Variants in ARVCF observed in about 807,000 individuals in gnomAD.
ARVCF encodes splicing regulator ARVCF.
ARVCF carries 66 observed loss-of-function variants against 90.9 expected under a neutral mutation model. That is an observed-to-expected ratio of 0.73 (90% CI 0.60 to 0.89). The LOEUF (loss-of-function observed/expected upper bound fraction) is 0.89. Among genes scored for constraint, ARVCF ranks in the 40% least tolerant of loss-of-function variants. The pLI, the probability that ARVCF is intolerant of heterozygous loss-of-function variation, is 0.00. For synonymous variants in ARVCF, 653 were observed against 603.4 expected, an observed-to-expected ratio of 1.08 and a Z score of -1.21; for missense variants, 1,469 against 1,382.3, an observed-to-expected ratio of 1.06 and a Z score of -1.00.
At chr22:20,011,955 G>A (rs1944848509) in intron 1 of ARVCF, among the ~76,000 whole-genome samples, 1 of 151,908 alleles carries the variant, frequency 6.6e-6, no homozygotes. Context: ...TCATCTCACT[G>A]ACTCTACCAG....
intron 3 of ARVCF, among the ~76,000 whole-genome samples, chr22:19,986,886 C>A (rs1288922991): frequency 6.6e-6 from 1 of 152,188 alleles, no homozygotes; most frequent in Non-Finnish European, 1.5e-5. Flanking sequence ...CCGGGGGCAC[C>A]GCGCTCACAC....
At position 20,016,676 on chromosome 22, in the gene ARVCF, C is replaced by T. The variant is rs1945201424; in HGVS notation, c.-160G>A. 6.6e-6 allele frequency: 1 copy of T among 150,984 alleles called. No individual in the cohort carries two copies. The highest frequency in any genetic ancestry group is 1.5e-5 in the Non-Finnish European group (1 of 67,678). The allele number at this position is 150,984 out of a possible 1,614,324, so 9.4% of individuals were successfully genotyped here. ...CCGTTGGCGCGCGGGGAGCGGCGTT[C>T]CCAGGGCGCGGCGCGGTGCGGCGCG... On this transcript the variant is annotated 5_prime_UTR_variant, in exon 1 of 20. Coordinates refer to ENST00000263207, the MANE Select transcript of ARVCF (RefSeq NM_001670.3).
chr22:19,996,244 G>A (rs1393727893), intron 2 of ARVCF, among the ~76,000 whole-genome samples: 1 of 151,652 alleles, frequency 6.6e-6, no homozygotes, highest in African/African-American at 2.4e-5. Context: ...CAGCCTCCAA[G>A]CAGCAGAAAG....
chr22:20,009,279 G>A (rs1728037474), intron 2 of ARVCF, among the ~76,000 whole-genome samples: 2 of 152,212 alleles, frequency 1.3e-5, no homozygotes, highest in Admixed American at 6.5e-5. Context: ...ACAGCCAGGC[G>A]GCAGCAGACC....
chr22:19,990,712 C>A lies in ARVCF; in HGVS notation c.83G>T (p.Arg28Leu). The A allele has an allele frequency of 6.3e-7, 1 of 1,596,992 alleles. No homozygotes were observed. Among genetic ancestry groups the A allele is most frequent in the Non-Finnish European group, 8.5e-7 (1 of 1,171,720 alleles). ...ATGGCGCCGCTCCTGCTCCAGTGCC[C>A]GTGTCAGCCTCTCGAAGCGGGCCTC... ...EQEARFERLT[R>L]ALEQERRHVA... The change falls in exon 3 of 20, where the codon CGG becomes CTG. Residue 28 changes from arginine (R) to leucine (L), a missense_variant. Arg to Leu is a moderately radical substitution (Grantham distance 102). Transcript: ENST00000263207.
At chr22:19,972,475 C>A in intron 16 of ARVCF, 64 bp from the exon 17 acceptor site, 3 of 1,597,872 alleles carry the variant, frequency 1.9e-6, no homozygotes, top group Non-Finnish European at 2.6e-6. Flanking sequence ...GCAGAGAAGC[C>A]CACACAGGGC....
chr22:19,989,658 G>A (rs113451333), intron 3 of ARVCF, among the ~76,000 whole-genome samples: 8,611 of 152,252 alleles, frequency 0.057, 786 homozygotes, highest in African/African-American at 0.19. Context: ...TGCAGGTGCT[G>A]GGAGTATGCT....
intron 2 of ARVCF, among the ~76,000 whole-genome samples, chr22:20,003,474 AC>A (rs1944514456): frequency 6.6e-6 from 1 of 152,158 alleles, no homozygotes; most frequent in Admixed American, 6.5e-5. Flanking sequence ...AAACAAACAA[AC>A]AAAAAAACAC....
At chr22:19,994,379 G>GGA (rs1944148151) in intron 2 of ARVCF, among the ~76,000 whole-genome samples, 1 of 135,446 alleles carries the variant, frequency 7.4e-6, no homozygotes, top group African/African-American at 2.7e-5. Context: ...TGGGTGGGGG[G>GGA]ATGGTGGAGG....
Position 19,982,143 on chromosome 22 carries a change from G to A in ARVCF, c.211-52C>T, listed in dbSNP as rs1358436924. 6 of 1,594,226 alleles carry A rather than the reference G, an allele frequency of 3.8e-6. 1 individual carries two copies. The East Asian group carries it at 6.7e-5, about 18-fold the overall frequency. ...CAGGCCTGCTGCTCAGTCACCCCTG[G>A]AGTGCAGGTCTCCACACACAGCAGC... On this transcript the variant is annotated intron_variant, in intron 3 of 19. Transcript: ENST00000263207.
chr22:19,978,620 C>T (rs1159630629), intron 7 of ARVCF, among the ~76,000 whole-genome samples: 2 of 152,116 alleles, frequency 1.3e-5, no homozygotes, highest in East Asian at 3.9e-4. Context: ...CCAGCTCCCC[C>T]TCTGGCTGTC....
chr22:19,973,615 C>G, intron 13 of ARVCF, 28 bp downstream of exon 13: 1 of 1,586,704 alleles, frequency 6.3e-7, no homozygotes, highest in Non-Finnish European at 8.6e-7. Flanking sequence ...GTTCGGTGCC[C>G]AGGCGTGGGC....
downstream of ARVCF, among the ~76,000 whole-genome samples, chr22:19,966,321 C>T (rs1419421477): frequency 6.6e-6 from 1 of 151,594 alleles, no homozygotes; most frequent in African/African-American, 2.4e-5. Flanking sequence ...GGGTGAGGGG[C>T]TCAGGAGCAG....
intron 5 of ARVCF, chr22:19,980,705 G>A (rs888657613): frequency 5.3e-6 from 1 of 187,372 alleles, no homozygotes; most frequent in African/African-American, 2.3e-5. Flanking sequence ...CACCTGAGGA[G>A]TATTCAGGCC....
chr22:19,994,386 G>C (rs1340358489), intron 2 of ARVCF, among the ~76,000 whole-genome samples: 1 of 142,118 alleles, frequency 7.0e-6, no homozygotes, highest in Non-Finnish European at 1.5e-5. Context: ...GGGGATGGTG[G>C]AGGATGAACA....
Position 19,970,473 on chromosome 22 carries a change from C to CAGAGGGAAAGGGGATGGTGGACG in ARVCF, c.*282_*283insCGTCCACCATCCCCTTTCCCTCT. 10 of 1,110,754 alleles carry CAGAGGGAAAGGGGATGGTGGACG rather than the reference C, an allele frequency of 9.0e-6. No homozygotes were observed. The Admixed American group carries it at 1.3e-4, about 15-fold the overall frequency. 68.8% of individuals were successfully genotyped at this position (1,110,754 alleles called of 1,614,324 possible). A position where few individuals can be genotyped will look rare whatever the true frequency, so the allele number is the denominator to read the frequency against. ...TTCCCTGCCACCTCCCTGGGCCCTG[C>CAGAGGGAAAGGGGATGGTGGACG]CCCAGCAGCCCAGTCGGCCTCCTCG... On this transcript the variant is annotated 3_prime_UTR_variant, in exon 20 of 20. Transcript: ENST00000263207.
chr22:19,992,791 T>A (rs960317138), intron 2 of ARVCF, among the ~76,000 whole-genome samples: 1 of 152,094 alleles, frequency 6.6e-6, no homozygotes, highest in Admixed American at 6.5e-5. Context: ...CCATCCCCCA[T>A]CTAGCAGGAC....
At chr22:19,978,616 C>T (rs1015630783) in intron 7 of ARVCF, among the ~76,000 whole-genome samples, 4 of 152,030 alleles carry the variant, frequency 2.6e-5, no homozygotes, top group Admixed American at 6.5e-5. Flanking sequence ...GGTCCCAGCT[C>T]CCCCTCTGGC....
At chr22:19,991,948 C>A (rs886491748) in intron 2 of ARVCF, among the ~76,000 whole-genome samples, 6 of 152,236 alleles carry the variant, frequency 3.9e-5, no homozygotes, top group African/African-American at 1.2e-4. Flanking sequence ...TGCCCTTGCA[C>A]CAATATAGGG....
Sources: gnomAD v4.1 joint callset for allele counts (sites outside exome capture counted in the v4.1 genomes callset) on GRCh38, gnomAD v4.1.1 for gene constraint, MANE v1.5 for transcripts, NCBI Gene and HGNC (gene_info 2026-07-23, HGNC 2026-07-21) for gene names.